TLE2: variants seen among roughly 807,000 people sequenced by gnomAD.
TLE2 encodes transducin-like enhancer protein 2.
Under a neutral mutation model 97.2 loss-of-function variants are expected in TLE2, and 74 were observed. The observed-to-expected ratio is 0.76, with a 90% CI of 0.63 to 0.92. TLE2 has a LOEUF of 0.92. Among genes scored for constraint, TLE2 ranks in the 40% least tolerant of loss-of-function variants. TLE2 has a pLI of 0.00. For missense variants in TLE2, 1,038 were observed against 1,008.7 expected (o/e 1.03, Z -0.39); for synonymous variants, 499 against 432.1 (o/e 1.15, Z -1.92).
chr19:3,017,442 T>C (rs954573962), intron 8 of TLE2, among the ~76,000 whole-genome samples: 32 of 128,372 alleles, frequency 2.5e-4, no homozygotes, highest in Non-Finnish European at 4.7e-4. Context: ...GTTTTTTTTT[T>C]TCTTTCTTTC....
chr19:3,027,725 G>C (rs1052589749), intron 4 of TLE2, 104 bp downstream of exon 4: 3 of 1,136,864 alleles, frequency 2.6e-6, no homozygotes, highest in Non-Finnish European at 3.8e-6. Flanking sequence ...TGAGACCCGT[G>C]TTCCCTAGGT....
chr19:2,998,220 G>A (rs906934835), intron 19 of TLE2, among the ~76,000 whole-genome samples: 9 of 148,158 alleles, frequency 6.1e-5, no homozygotes, highest in Admixed American at 2.7e-4. Context: ...ATAGGCGCCC[G>A]CAACCACGCC....
At chr19:3,030,443 T>A (rs1464012264), upstream of TLE2, among the ~76,000 whole-genome samples, 2 of 152,150 alleles carry the variant, frequency 1.3e-5, no homozygotes, top group Non-Finnish European at 2.9e-5. Flanking sequence ...AACAAACGTG[T>A]ACTAAATGCA....
At position 3,006,468 on chromosome 19, in the gene TLE2, G is replaced by A. The variant is rs1452919901; in HGVS notation, c.1452C>T (p.Asp484=). ...GCGTCTTGGCCCCAGGCTGGCCCAC[G>A]TCCCACACCTTCACACAGCCCTTGC... The part of the protein sequence containing the change: ...TGGKGCVKVW[D]VGQPGAKTPV... Residue 484 remains aspartate, a synonymous_variant, in exon 15 of 20, where the codon GAC becomes GAT. Coordinates refer to ENST00000262953, the MANE Select transcript of TLE2 (RefSeq NM_003260.5). The A allele has an allele frequency of 5.6e-6, 9 of 1,610,742 alleles. No individual in the cohort carries two copies. Among genetic ancestry groups the A allele is most frequent in the South Asian group, 3.3e-5 (3 of 90,856 alleles).
At chr19:3,017,452 CTT>C (rs529847551) in intron 8 of TLE2, among the ~76,000 whole-genome samples, 31 of 123,774 alleles carry the variant, frequency 2.5e-4, no homozygotes, top group Admixed American at 5.2e-4. Flanking sequence ...TTCTTTCTTT[CTT>C]TTTTTTTTTT....
chr19:3,009,887 CT>C lies in TLE2; in HGVS notation c.1013-186del, dbSNP rs1555691086. 4.7e-5 allele frequency among the ~76,000 whole-genome samples: 7 copies of C among 148,522 alleles called. No individual in the cohort carries two copies. The South Asian group carries it at 1.5e-3, about 32-fold the overall frequency. On this transcript the variant is annotated intron_variant, in intron 12 of 19. Coordinates refer to ENST00000262953, the MANE Select transcript of TLE2 (RefSeq NM_003260.5). ...CCAGTGGACACGACTTTCTCTCTCT[CT>C]TTTTTTCTTTTGTTTGAGATGGAAT...
chr19:3,000,317 C>T (rs2089327557), intron 19 of TLE2, among the ~76,000 whole-genome samples: 6 of 151,982 alleles, frequency 3.9e-5, no homozygotes, highest in Middle Eastern at 3.4e-3. Context: ...CCTCGTGATC[C>T]GCCTGCCTCA....
intron 8 of TLE2, among the ~76,000 whole-genome samples, chr19:3,017,297 T>TCC (rs1568241826): frequency 6.6e-6 from 1 of 151,222 alleles, no homozygotes; most frequent in Non-Finnish European, 1.5e-5. Context: ...GCCGCCACGT[T>TCC]TGGCTAATTT....
chr19:3,006,499 G>C lies in TLE2; in HGVS notation c.1421C>G (p.Thr474Arg). The change falls in exon 15 of 20, where the codon ACG (threonine) becomes AGG (arginine). Residue 474 changes from threonine to arginine, a missense_variant. Coordinates refer to ENST00000262953, the MANE Select transcript of TLE2 (RefSeq NM_003260.5). The stretch of plus-strand genomic sequence containing the variant: ...CACCTTCACACAGCCCTTGCCGCCC[G>C]TGTACACATGCTGTGTGGAGCCGCT... Reference protein sequence around the residue: ...TISGSTQHVYTGGKGCVKVWD... With the variant: ...TISGSTQHVYRGGKGCVKVWD... The C allele has an allele frequency of 6.2e-7, 1 of 1,609,406 alleles. No homozygotes were observed. Among genetic ancestry groups the C allele is most frequent in the Non-Finnish European group, 8.5e-7 (1 of 1,178,722 alleles).
intron 9 of TLE2, 46 bp downstream of exon 9, chr19:3,015,607 C>A (rs895953210): frequency 2.0e-6 from 3 of 1,491,970 alleles, no homozygotes; most frequent in African/African-American, 2.8e-5. Context: ...CCAGGCTGGT[C>A]TGGGCCATGC....
upstream of TLE2, among the ~76,000 whole-genome samples, chr19:3,030,759 AC>A (rs1047438716): frequency 4.6e-5 from 7 of 152,148 alleles, no homozygotes; most frequent in African/African-American, 1.2e-4. Flanking sequence ...ATACAAAAAA[AC>A]ATTTTTGTGT....
At chr19:3,033,353 A>G (rs931090435), upstream of TLE2, among the ~76,000 whole-genome samples, 3 of 151,792 alleles carry the variant, frequency 2.0e-5, no homozygotes, top group South Asian at 2.1e-4. Context: ...ATTTTTAGTA[A>G]AGACAGGGTT....
At chr19:3,041,013 ATTTTTT>A (rs1168699418) in intron 1 of TLE2, among the ~76,000 whole-genome samples, 32 of 28,936 alleles carry the variant, frequency 1.1e-3, no homozygotes, top group East Asian at 2.0e-3. Flanking sequence ...ATATATATAT[ATTTTTT>A]TTTTTTTTTT....
rs753492051 is a variant in TLE2 at position 3,025,026 on chromosome 19, G to A, written c.288C>T (p.Thr96=). 6.9e-6 allele frequency: 11 copies of A among 1,598,470 alleles called. No individual in the cohort carries two copies. The highest frequency in any genetic ancestry group is 6.8e-6 in the Non-Finnish European group (8 of 1,173,022). The part of the protein sequence containing the change: ...GICAQIIPFL[T]QEHQQQVLQA... ...CACCCCCAGGCCCACTCACCTCCTG[G>A]GTCAGGAAGGGGATAATCTGAGCGC... is the stretch of plus-strand genomic sequence containing the variant. The change falls in exon 5 of 20, where the codon ACC becomes ACT. Residue 96 remains threonine, a synonymous_variant. Transcript: ENST00000262953.
rs747580821 is a variant in TLE2, at chr19:3,017,852, T to C, written c.558A>G (p.Arg186=). The C allele has an allele frequency of 5.0e-6, 8 of 1,612,224 alleles. No homozygotes were observed. In the South Asian group the frequency reaches 8.8e-5, roughly 18 times the overall value. The part of the protein sequence containing the change: ...GVEAEGSRVE[R]APSRSASPSP... ...GCCACTCACTTACCCTGCTCGGGGCTCTCTCCACTGACAGATTGGGAATGG... is the reference window on the plus strand; with the variant it reads ...GCCACTCACTTACCCTGCTCGGGGCCCTCTCCACTGACAGATTGGGAATGG... The change falls in exon 8 of 20, where the codon AGA becomes AGG. Residue 186 remains arginine, a synonymous_variant. Coordinates refer to ENST00000262953, the MANE Select transcript of TLE2 (RefSeq NM_003260.5).
upstream of TLE2, chr19:3,029,563 G>A (rs1433431588): frequency 7.4e-3 from 3,879 of 521,010 alleles, 38 homozygotes; most frequent in Non-Finnish European, 8.6e-3. Context: ...GGGAGCGGGG[G>A]GGGGGGCTTG....
chr19:3,039,654 C>T (rs1750241242), intron 1 of TLE2, among the ~76,000 whole-genome samples: 1 of 152,072 alleles, frequency 6.6e-6, no homozygotes, highest in Admixed American at 6.6e-5. Flanking sequence ...TCTGCCCAGG[C>T]CCCAACACAC....
intron 14 of TLE2, among the ~76,000 whole-genome samples, chr19:3,007,147 G>T (rs1185788056): frequency 6.6e-6 from 1 of 151,786 alleles, no homozygotes; most frequent in African/African-American, 2.4e-5. Flanking sequence ...GAGGGCAGTA[G>T]CGTGATCTGG....
chr19:3,011,957 A>G (rs867943382), intron 11 of TLE2, among the ~76,000 whole-genome samples: 2 of 151,658 alleles, frequency 1.3e-5, no homozygotes, highest in South Asian at 4.2e-4. Context: ...CAAAACTAAC[A>G]TGATCAGACA....
Sources: allele counts gnomAD v4.1 joint callset (sites outside exome capture counted in the v4.1 genomes callset), GRCh38; gene constraint gnomAD v4.1.1; transcripts MANE v1.5; gene names NCBI Gene and HGNC (gene_info 2026-07-23, HGNC 2026-07-21).